The following TG variants were observed in gnomAD, a reference collection of about 807,000 sequenced individuals.
TG encodes the protein thyroid hormones.
TG carries 270 observed loss-of-function variants against 324.7 expected under a neutral mutation model. That is an observed-to-expected ratio of 0.83 (90% CI 0.75 to 0.92). TG has a LOEUF of 0.92. TG is among the 40% of genes least tolerant of loss of function. The pLI, the probability that TG is intolerant of heterozygous loss-of-function variation, is 0.00. For synonymous variants in TG, 1,401 were observed against 1,327.0 expected, an observed-to-expected ratio of 1.06 and a Z score of -1.21; for missense variants, 3,591 against 3,456.4, an observed-to-expected ratio of 1.04 and a Z score of -0.98.
intron 35 of TG, among the ~76,000 whole-genome samples, chr8:133,007,449 A>G (rs1834119503): frequency 1.3e-5 from 2 of 152,034 alleles, no homozygotes; most frequent in Admixed American, 1.3e-4. Context: ...AGATATTGTT[A>G]CACAGACCAA....
At chr8:133,083,302 A>G (rs941017045) in intron 41 of TG, among the ~76,000 whole-genome samples, 1 of 152,246 alleles carries the variant, frequency 6.6e-6, no homozygotes, top group Non-Finnish European at 1.5e-5. Context: ...ACTCTTTGAA[A>G]TATCAATTGA....
chr8:132,974,269 C>T (rs1161241799), intron 34 of TG, among the ~76,000 whole-genome samples: 4 of 152,200 alleles, frequency 2.6e-5, no homozygotes, highest in Admixed American at 6.5e-5. Context: ...GCTGGGATTA[C>T]AGGCGTGAGC....
At chr8:133,102,359 G>A (rs954979706) in intron 43 of TG, 1 of 533,674 alleles carries the variant, frequency 1.9e-6, no homozygotes, top group Non-Finnish European at 3.4e-6. Context: ...GGACAGGAGT[G>A]GAGCCTCTTA....
intron 24 of TG, among the ~76,000 whole-genome samples, 198 bp downstream of exon 24, chr8:132,933,874 C>G (rs1353059188): frequency 6.6e-6 from 1 of 152,118 alleles, no homozygotes; most frequent in Non-Finnish European, 1.5e-5. Flanking sequence ...CAAGATGAAG[C>G]TGGAGTAAGG....
At chr8:132,936,660 A>T (rs577435839) in intron 25 of TG, among the ~76,000 whole-genome samples, 1 of 152,270 alleles carries the variant, frequency 6.6e-6, no homozygotes, top group East Asian at 1.9e-4. Flanking sequence ...CGCTGCTGGC[A>T]CGTGGGAGAG....
chr8:133,027,790 T>TC (rs1383049895), intron 40 of TG, among the ~76,000 whole-genome samples: 16 of 152,268 alleles, frequency 1.1e-4, no homozygotes, highest in Admixed American at 3.3e-4. Flanking sequence ...CCCAACTTGA[T>TC]CTCAAATTCA....
intron 5 of TG, among the ~76,000 whole-genome samples, chr8:132,880,450 TA>T (rs1814493217): frequency 1.3e-5 from 2 of 152,232 alleles, no homozygotes; most frequent in Non-Finnish European, 2.9e-5. Flanking sequence ...AATGAACTTT[TA>T]TTATATACCC....
intron 25 of TG, among the ~76,000 whole-genome samples, chr8:132,936,332 A>T (rs1275632272): frequency 1.3e-5 from 2 of 152,112 alleles, no homozygotes. Context: ...TTTCTGATTC[A>T]TAGAGCTTCT....
chr8:132,985,661 T>A (rs1424061432), intron 35 of TG, among the ~76,000 whole-genome samples: 1 of 152,314 alleles, frequency 6.6e-6, no homozygotes, highest in South Asian at 2.1e-4. Flanking sequence ...TATCCTGCTG[T>A]CACACACAAT....
chr8:132,879,594 A>G (rs1469111879), intron 5 of TG, among the ~76,000 whole-genome samples: 1 of 152,272 alleles, frequency 6.6e-6, no homozygotes, highest in Non-Finnish European at 1.5e-5. Flanking sequence ...AGAAGGGATT[A>G]AAGATGGCAG....
In TG at chr8:133,116,595, T is replaced by C; in HGVS notation, c.7755-14T>C. On this transcript the variant is annotated splice_polypyrimidine_tract_variant and intron_variant, in intron 44 of 47. Transcript: ENST00000220616. Reference sequence around the variant, plus strand: ...ATGTTTAACCAGACTCCCCCCATGTTCTCTTTTCACCAGGGACTACTTTAT... The same window carrying C: ...ATGTTTAACCAGACTCCCCCCATGTCCTCTTTTCACCAGGGACTACTTTAT... 3.7e-6 allele frequency: 6 copies of C among 1,608,296 alleles called. No individual in the cohort carries two copies. The South Asian group carries it at 6.6e-5, about 18-fold the overall frequency.
intron 43 of TG, among the ~76,000 whole-genome samples, chr8:133,103,463 T>G (rs1849512823): frequency 6.6e-6 from 1 of 152,192 alleles, no homozygotes. Context: ...GCTGGGATTA[T>G]GGTTCAGAGA....
chr8:133,099,594 A>G (rs1848945021), intron 43 of TG, among the ~76,000 whole-genome samples: 1 of 152,086 alleles, frequency 6.6e-6, no homozygotes, highest in African/African-American at 2.4e-5. Flanking sequence ...CATCCATAAC[A>G]CACCCAAAGT....
chr8:132,957,742 T>TAC (rs6150825), intron 27 of TG, among the ~76,000 whole-genome samples: 4,164 of 41,522 alleles, frequency 0.1, 77 homozygotes, highest in South Asian at 0.17. Flanking sequence ...CATGGTAAAC[T>TAC]ACACACACAC....
intron 37 of TG, 73 bp downstream of exon 37, chr8:133,013,837 G>A: frequency 6.5e-7 from 1 of 1,546,020 alleles, no homozygotes. Context: ...TAAACACTTG[G>A]TGAGTTGGAG....
At chr8:133,064,901 G>C (rs79167208) in intron 41 of TG, among the ~76,000 whole-genome samples, 1 of 152,082 alleles carries the variant, frequency 6.6e-6, no homozygotes, top group African/African-American at 2.4e-5. Context: ...CCCCTTTATC[G>C]TGCACCGAAG....
chr8:132,973,293 C>G (rs7015412), intron 34 of TG, among the ~76,000 whole-genome samples: 92,175 of 152,060 alleles, frequency 0.61, 29,289 homozygotes, highest in African/African-American at 0.75. Flanking sequence ...AGACAATGTA[C>G]CACATGGTAG....
At chr8:132,924,757 G>A (rs1004004226) in intron 22 of TG, among the ~76,000 whole-genome samples, 7 of 152,144 alleles carry the variant, frequency 4.6e-5, no homozygotes, top group South Asian at 2.1e-4. Flanking sequence ...CAGTTTCTTC[G>A]TCTGTAAAAT....
intron 2 of TG, 115 bp from the exon 3 acceptor site, chr8:132,869,614 A>T: frequency 2.1e-6 from 2 of 952,954 alleles, no homozygotes; most frequent in Non-Finnish European, 3.3e-6. Flanking sequence ...TCCCTAATTT[A>T]AACGAACCAA....
Sources: allele counts gnomAD v4.1 joint callset (sites outside exome capture counted in the v4.1 genomes callset), GRCh38; gene constraint gnomAD v4.1.1; transcripts MANE v1.5; gene names NCBI Gene and HGNC (gene_info 2026-07-23, HGNC 2026-07-21).